SEPTIN10: variants seen among roughly 807,000 people sequenced by gnomAD.
SEPTIN10 encodes the protein septin-10.
A neutral mutation model predicts 54.8 loss-of-function variants in SEPTIN10; 66 were observed. The observed-to-expected ratio is 1.21, with a 90% CI of 0.99 to 1.48. The LOEUF is 1.48. Among genes scored for constraint, SEPTIN10 ranks in the 40% most tolerant of loss-of-function variants. The probability of loss-of-function intolerance (pLI) is 0.00; values close to 1 mark genes in which losing one functional copy is unlikely to be tolerated. For synonymous variants in SEPTIN10, 161 were observed against 181.0 expected (o/e 0.89, Z 0.89); for missense variants, 620 against 545.6 (o/e 1.14, Z -1.36).
chr2:109,545,537 G>C (rs1406556086), intron 10 of SEPTIN10: 5 of 1,535,652 alleles, frequency 3.3e-6, no homozygotes, highest in Non-Finnish European at 3.5e-6. Flanking sequence ...TCGACAGCCT[G>C]GTTCCCTTAT....
chr2:109,551,288 G>A (rs1682898168), intron 9 of SEPTIN10, among the ~76,000 whole-genome samples: 2 of 152,162 alleles, frequency 1.3e-5, no homozygotes, highest in Non-Finnish European at 2.9e-5. Context: ...AACAATATTG[G>A]CAAGGACATA....
At chr2:109,549,759 G>C (rs551537453) in intron 9 of SEPTIN10, among the ~76,000 whole-genome samples, 2 of 152,248 alleles carry the variant, frequency 1.3e-5, no homozygotes, top group South Asian at 4.2e-4. Flanking sequence ...GACACCTATA[G>C]TAAAGTTAAG....
intron 1 of SEPTIN10, among the ~76,000 whole-genome samples, chr2:109,612,003 C>T (rs1699362248): frequency 6.6e-6 from 1 of 152,156 alleles, no homozygotes; most frequent in Non-Finnish European, 1.5e-5. Flanking sequence ...GAACTGAAGA[C>T]TTATGCTTAC....
intron 1 of SEPTIN10, among the ~76,000 whole-genome samples, chr2:109,595,912 C>T (rs1362956659): frequency 5.9e-5 from 9 of 152,142 alleles, no homozygotes; most frequent in Middle Eastern, 3.2e-3. Flanking sequence ...TCGTTAATTC[C>T]GGACCTAACA....
chr2:109,556,414 A>G (rs1684380458), intron 8 of SEPTIN10, among the ~76,000 whole-genome samples: 3 of 152,260 alleles, frequency 2.0e-5, no homozygotes, highest in Non-Finnish European at 4.4e-5. Context: ...GCTTTTAAGT[A>G]TAGAATTCTG....
intron 10 of SEPTIN10, 23 bp from the exon 11 acceptor site, chr2:109,544,347 G>C (rs764552616): frequency 6.4e-7 from 1 of 1,573,908 alleles, no homozygotes; most frequent in Non-Finnish European, 8.6e-7. Flanking sequence ...AGAACCTTTT[G>C]ATTGGTACAA....
rs771793806 is a variant in SEPTIN10, at chr2:109,585,122, A to T, written c.413+4T>A. On this transcript the variant is annotated splice_donor_region_variant and intron_variant, in intron 4 of 10. Transcript: ENST00000397712. ...TTGTTTTATTACAAGAAGAAAACAC[A>T]TACCTCTCTTCTTTATTTATTTGGT... 158 of 1,537,800 alleles carry T rather than the reference A, an allele frequency of 1.0e-4. No homozygotes were observed. Among genetic ancestry groups the T allele is most frequent in the Non-Finnish European group, 1.3e-4 (149 of 1,139,896 alleles).
intron 4 of SEPTIN10, among the ~76,000 whole-genome samples, chr2:109,578,914 AAAGT>A: frequency 6.6e-6 from 1 of 152,360 alleles, no homozygotes; most frequent in East Asian, 1.9e-4. Context: ...CAAAACTCCA[AAAGT>A]ACAGACGTAA....
At chr2:109,582,938 T>C (rs1229728991) in intron 4 of SEPTIN10, among the ~76,000 whole-genome samples, 2 of 152,204 alleles carry the variant, frequency 1.3e-5, no homozygotes, top group African/African-American at 4.8e-5. Flanking sequence ...AAGGACTCTC[T>C]ATTCAATAAA....
Position 109,581,740 on chromosome 2 carries a change from T to G in SEPTIN10, c.413+3386A>C, listed in dbSNP as rs576903084. Among the ~76,000 whole-genome samples the G allele has an allele frequency of 3.9e-5, 6 of 152,264 alleles. 1 individual carries two copies. The highest frequency in any genetic ancestry group is 1.4e-4 in the African/African-American group (6 of 41,560). ...AACAAGTTATAAAATAGGCAAAAGA[T>G]GAAAGCATTCCCCTTGAGAACTGAA... is the stretch of plus-strand genomic sequence containing the variant. On this transcript the variant is annotated intron_variant, in intron 4 of 10. Transcript: ENST00000397712.
At chr2:109,572,291 C>A (rs1415152404) in intron 5 of SEPTIN10, among the ~76,000 whole-genome samples, 1 of 152,086 alleles carries the variant, frequency 6.6e-6, no homozygotes, top group Admixed American at 6.5e-5. Flanking sequence ...CCACGACGCC[C>A]GGCTGAATTT....
rs1681185139 is a variant in SEPTIN10, at chr2:109,546,186, T to G, written c.1213A>C (p.Lys405Gln). Reference protein sequence around the residue: ...LKRLHQEERMKLEEKRRLLEE... With the variant: ...LKRLHQEERMQLEEKRRLLEE... The stretch of plus-strand genomic sequence containing the variant: ...AAAAGTCTTCTCTTTTCTTCAAGCT[T>G]CATTCTCTCTTCTTGGTGAAGTCTC... The change falls in exon 10 of 11, where the codon AAG becomes CAG. Residue 405 changes from lysine (K) to glutamine (Q), a missense_variant. Lys to Gln is a moderately conservative substitution (Grantham distance 53). Transcript: ENST00000397712. 6.2e-7 allele frequency: 1 copy of G among 1,606,242 alleles called. No homozygotes were observed. Among genetic ancestry groups the G allele is most frequent in the African/African-American group, 1.3e-5 (1 of 74,096 alleles).
intron 1 of SEPTIN10, among the ~76,000 whole-genome samples, chr2:109,597,476 ACT>A (rs993278174): frequency 1.9e-4 from 29 of 152,304 alleles, no homozygotes; most frequent in Non-Finnish European, 2.6e-4. Context: ...GGACCTTGTG[ACT>A]CTGTCTCAGA....
chr2:109,585,094 A>T (rs1295271138), intron 4 of SEPTIN10, 32 bp downstream of exon 4: 1 of 1,414,384 alleles, frequency 7.1e-7, no homozygotes, highest in Admixed American at 2.3e-5. Flanking sequence ...AAATAAGAAA[A>T]ACTTGTTTTA....
intron 1 of SEPTIN10, among the ~76,000 whole-genome samples, chr2:109,608,280 G>A (rs887114708): frequency 2.6e-5 from 4 of 152,146 alleles, no homozygotes; most frequent in African/African-American, 7.2e-5. Context: ...TTTTCTCATG[G>A]ACACTCACAG....
chr2:109,571,254 CAGAT>C (rs1159416598), intron 5 of SEPTIN10, among the ~76,000 whole-genome samples: 1 of 152,190 alleles, frequency 6.6e-6, no homozygotes, highest in African/African-American at 2.4e-5. Flanking sequence ...TACCCAGTCT[CAGAT>C]AGTTCTTTAT....
At chr2:109,554,818 G>A (rs1296580387) in intron 8 of SEPTIN10, among the ~76,000 whole-genome samples, 1 of 152,104 alleles carries the variant, frequency 6.6e-6, no homozygotes, top group African/African-American at 2.4e-5. Flanking sequence ...CCTATAGCAT[G>A]AAATATGAAG....
At chr2:109,580,894 T>C (rs1402547536) in intron 4 of SEPTIN10, among the ~76,000 whole-genome samples, 2 of 152,136 alleles carry the variant, frequency 1.3e-5, no homozygotes, top group East Asian at 1.9e-4. Context: ...ATTCACTGAG[T>C]TGAGGAAACC....
At chr2:109,545,875 T>C in intron 10 of SEPTIN10, 175 bp downstream of exon 10, 2 of 1,448,182 alleles carry the variant, frequency 1.4e-6, no homozygotes, top group Non-Finnish European at 9.1e-7. Context: ...TTCTGGATGC[T>C]GGGGAAACAG....
Sources: gnomAD v4.1 joint callset for allele counts (sites outside exome capture counted in the v4.1 genomes callset) on GRCh38, gnomAD v4.1.1 for gene constraint, MANE v1.5 for transcripts, NCBI Gene and HGNC (gene_info 2026-07-23, HGNC 2026-07-21) for gene names.